OTUD7A: variants seen among roughly 807,000 people sequenced by gnomAD.
OTUD7A encodes OTU domain-containing protein 7A.
In OTUD7A, 12 loss-of-function variants were observed where a neutral mutation model predicts 65.7. The ratio of observed to expected loss-of-function variants is 0.18; its 90% CI spans 0.12 to 0.30. The LOEUF (loss-of-function observed/expected upper bound fraction) is 0.30, where lower values mean the gene tolerates loss of function less well. OTUD7A is among the 10% of genes least tolerant of loss of function. OTUD7A has a pLI of 1.00. For synonymous variants in OTUD7A, 641 were observed against 586.3 expected (o/e 1.09, Z -1.35); for missense variants, 1,148 against 1,304.8 (o/e 0.88, Z 1.85).
intron 1 of OTUD7A, among the ~76,000 whole-genome samples, chr15:31,696,158 G>A (rs1413423351): frequency 9.0e-4 from 132 of 145,872 alleles, no homozygotes; most frequent in Non-Finnish European, 1.5e-3. Context: ...GGGGCACAAG[G>A]GGCTGGGGGT....
At chr15:31,863,802 G>A (rs772191595) in intron 1 of OTUD7A, among the ~76,000 whole-genome samples, 19 of 152,156 alleles carry the variant, frequency 1.2e-4, no homozygotes, top group Non-Finnish European at 2.1e-4. Context: ...GCACATTTCT[G>A]AAGCTGGCTT....
chr15:31,484,140 G>A lies in OTUD7A; in HGVS notation c.1956C>T (p.His652=). Reference sequence around the variant, plus strand: ...TCATCTCCTCGTGGAACTGGTGCCGGTGGCTGGTGAGCAGCAGGCCGGCGA... The same window carrying A: ...TCATCTCCTCGTGGAACTGGTGCCGATGGCTGGTGAGCAGCAGGCCGGCGA... ...FIFAGLLLTS[H]RHQFHEEMIG... is the part of the protein sequence containing the mutation. The change falls in exon 13 of 13, where the codon CAC becomes CAT. Residue 652 remains histidine (H), a synonymous_variant. Transcript: ENST00000307050. This position sits in a 1 kb window ranked among gnomAD's most constrained non-coding sequence, Gnocchi z 4.5. 1.2e-6 allele frequency: 2 copies of A among 1,609,688 alleles called. No individual in the cohort carries two copies. Among genetic ancestry groups the A allele is most frequent in the Non-Finnish European group, 8.5e-7 (1 of 1,179,554 alleles).
At chr15:31,514,370 C>G in intron 8 of OTUD7A, among the ~76,000 whole-genome samples, 1 of 152,112 alleles carries the variant, frequency 6.6e-6, no homozygotes, top group East Asian at 1.9e-4. Context: ...TCTTAGAGCA[C>G]TTTCTTGCTT....
At position 31,583,242 on chromosome 15, in the gene OTUD7A, T is replaced by TAG. The variant is rs1889426713; in HGVS notation, c.152-13047_152-13046dup. Among the ~76,000 whole-genome samples the TAG allele has an allele frequency of 1.3e-5, 2 of 152,188 alleles. 1 individual carries two copies. Among genetic ancestry groups the TAG allele is most frequent in the South Asian group, 4.1e-4 (2 of 4,826 alleles). ...TCTGGTGCAGTCTAGTGATAGTCTCTAGCAAGAGGCATTCATGCAAGGTGG... is the reference window on the plus strand; with the variant it reads ...TCTGGTGCAGTCTAGTGATAGTCTCTAGAGCAAGAGGCATTCATGCAAGGTGG... On this transcript the variant is annotated intron_variant, in intron 3 of 12. Coordinates refer to ENST00000307050, the MANE Select transcript of OTUD7A (RefSeq NM_001382637.1).
At chr15:31,583,735 A>C (rs1370847876) in intron 3 of OTUD7A, among the ~76,000 whole-genome samples, 1 of 151,978 alleles carries the variant, frequency 6.6e-6, no homozygotes, top group East Asian at 1.9e-4. Context: ...TAAATTACCC[A>C]GTCTCAGATA....
intron 3 of OTUD7A, among the ~76,000 whole-genome samples, chr15:31,605,869 C>T (rs1490445101): frequency 6.6e-6 from 1 of 152,168 alleles, no homozygotes; most frequent in Non-Finnish European, 1.5e-5. Flanking sequence ...TGCCACTGTG[C>T]CCGTGGACAG....
rs900521328 is a variant in OTUD7A, at chr15:31,587,849, C to A, written c.152-17652G>T. On this transcript the variant is annotated intron_variant, in intron 3 of 12. Coordinates refer to ENST00000307050, the MANE Select transcript of OTUD7A (RefSeq NM_001382637.1). ...TGGGCCAGGGCTTTCTGCCATAGGG[C>A]CCTAACGCTCACTGTTCCTTCTGCT... is the stretch of plus-strand genomic sequence containing the variant. Among the ~76,000 whole-genome samples the A allele has an allele frequency of 7.9e-5, 12 of 151,964 alleles. No individual in the cohort carries two copies. In the East Asian group the frequency reaches 2.3e-3, roughly 30 times the overall value.
At position 31,484,262 on chromosome 15, in the gene OTUD7A, C is replaced by T. The variant is rs1009525054; in HGVS notation, c.1834G>A (p.Gly612Ser). ...AAGASPAEKG[G>S]GPRGDAWKYS... ...TTCCAGGCGTCGCCCCGCGGCCCAC[C>T]GCCCTTCTCCGCCGGCGACGCGCCC... The change falls in exon 13 of 13, where the codon GGT becomes AGT. Residue 612 changes from glycine (G) to serine (S), a missense_variant. Coordinates refer to ENST00000307050, the MANE Select transcript of OTUD7A (RefSeq NM_001382637.1). This position sits in a 1 kb window ranked among gnomAD's most constrained non-coding sequence, Gnocchi z 4.5. 3.8e-6 allele frequency: 6 copies of T among 1,593,510 alleles called. No homozygotes were observed. Among genetic ancestry groups the T allele is most frequent in the Non-Finnish European group, 3.4e-6 (4 of 1,173,438 alleles).
chr15:31,831,311 T>A (rs1387809552), intron 1 of OTUD7A, among the ~76,000 whole-genome samples: 2 of 152,212 alleles, frequency 1.3e-5, no homozygotes, highest in Non-Finnish European at 2.9e-5. Context: ...GTAAAAATTT[T>A]AAAATTTTAC....
At chr15:31,843,829 C>T (rs1294055377) in intron 1 of OTUD7A, among the ~76,000 whole-genome samples, 1 of 152,168 alleles carries the variant, frequency 6.6e-6, no homozygotes, top group Non-Finnish European at 1.5e-5. Context: ...TGCACCAAAG[C>T]ACTCTTTGAT....
chr15:31,802,133 G>GTATA (rs1219526014), intron 1 of OTUD7A, among the ~76,000 whole-genome samples: 20 of 117,294 alleles, frequency 1.7e-4, no homozygotes, highest in African/African-American at 5.9e-4. Context: ...GTGTGTGTGT[G>GTATA]TGTGTGTGTA....
chr15:31,821,370 T>C (rs1192099432), intron 1 of OTUD7A, among the ~76,000 whole-genome samples: 1 of 146,972 alleles, frequency 6.8e-6, no homozygotes, highest in Non-Finnish European at 1.5e-5. Context: ...GGTCTCAATC[T>C]CCTGACCTCA....
chr15:31,753,722 T>A (rs78453645), intron 1 of OTUD7A, among the ~76,000 whole-genome samples: 7 of 49,114 alleles, frequency 1.4e-4, no homozygotes, highest in African/African-American at 3.4e-4. Context: ...ATATATATAT[T>A]ATATATATAT....
At chr15:31,852,638 G>T (rs1287551011) in intron 1 of OTUD7A, among the ~76,000 whole-genome samples, 1 of 152,162 alleles carries the variant, frequency 6.6e-6, no homozygotes. Context: ...GACAGCTTGT[G>T]CCATGTGAGT....
intron 8 of OTUD7A, 90 bp downstream of exon 8, chr15:31,526,259 T>TC (rs888256565): frequency 6.4e-5 from 80 of 1,252,696 alleles, no homozygotes; most frequent in East Asian, 4.0e-4. Flanking sequence ...AGTCCCACAT[T>TC]CCCCCCCGTG....
chr15:31,663,246 AACACACACACACACAC>A (rs531313199), intron 1 of OTUD7A, among the ~76,000 whole-genome samples: 1 of 140,568 alleles, frequency 7.1e-6, no homozygotes, highest in Admixed American at 7.1e-5. Flanking sequence ...TCTTGGGCTA[AACACACACACACACAC>A]ACACACACAC....
chr15:31,835,201 G>A (rs772871101), intron 1 of OTUD7A, among the ~76,000 whole-genome samples: 1 of 152,188 alleles, frequency 6.6e-6, no homozygotes, highest in Non-Finnish European at 1.5e-5. Context: ...AAAAAATATG[G>A]AGAAAAGCTA....
intron 1 of OTUD7A, among the ~76,000 whole-genome samples, chr15:31,860,556 A>G (rs752492038): frequency 6.7e-6 from 1 of 149,296 alleles, no homozygotes; most frequent in Admixed American, 6.7e-5. Context: ...CGATGTCCAC[A>G]CAACTCATTT....
intron 1 of OTUD7A, among the ~76,000 whole-genome samples, chr15:31,830,760 G>A (rs1502999): frequency 0.58 from 88,171 of 152,096 alleles, 26,029 homozygotes; most frequent in East Asian, 0.69. Flanking sequence ...TGTGTATGCT[G>A]TGCCTGATGT....
Sources: allele counts gnomAD v4.1 joint callset (sites outside exome capture counted in the v4.1 genomes callset), GRCh38; gene constraint gnomAD v4.1.1; non-coding constraint Gnocchi (gnomAD v3.1); transcripts MANE v1.5; gene names NCBI Gene and HGNC (gene_info 2026-07-23, HGNC 2026-07-21).